The following SLC25A26 variants were observed in gnomAD, a reference collection of about 807,000 sequenced individuals.
SLC25A26 encodes solute carrier family 25 member 26.
Under a neutral mutation model 37.8 loss-of-function variants are expected in SLC25A26, and 36 were observed. The ratio of observed to expected loss-of-function variants is 0.95; its 90% confidence interval spans 0.73 to 1.26. SLC25A26 has a LOEUF of 1.26. SLC25A26 is among the 50% of genes most tolerant of loss of function. The probability of loss-of-function intolerance (pLI) is 0.00; values close to 1 mark genes in which losing one functional copy is unlikely to be tolerated. For synonymous variants in SLC25A26, 129 were observed against 122.5 expected (o/e 1.05, Z -0.35); for missense variants, 390 against 331.1 (o/e 1.18, Z -1.38).
intron 1 of SLC25A26, among the ~76,000 whole-genome samples, chr3:66,202,316 A>C (rs1189463365): frequency 3.3e-5 from 5 of 152,088 alleles, no homozygotes; most frequent in African/African-American, 7.2e-5. Context: ...AACAATGAGA[A>C]GACATGCATA....
At chr3:66,191,974 G>T (rs1262078821) in intron 1 of SLC25A26, among the ~76,000 whole-genome samples, 1 of 151,796 alleles carries the variant, frequency 6.6e-6, no homozygotes, top group African/African-American at 2.4e-5. Flanking sequence ...GGGGCCTCTA[G>T]GTCCTGAAAG....
chr3:66,372,866 C>T (rs1332721775), intron 9 of SLC25A26, among the ~76,000 whole-genome samples: 2 of 152,088 alleles, frequency 1.3e-5, no homozygotes, highest in African/African-American at 4.8e-5. Flanking sequence ...CTCCCCGGGG[C>T]GTGCACTAAG....
intron 1 of SLC25A26, among the ~76,000 whole-genome samples, chr3:66,202,379 G>A (rs968582176): frequency 6.6e-6 from 1 of 151,974 alleles, no homozygotes; most frequent in Non-Finnish European, 1.5e-5. Context: ...CGGGTGCAAG[G>A]GGACGGATAG....
Position 66,225,848 on chromosome 3 carries a change from C to G in SLC25A26, c.33+4721C>G, listed in dbSNP as rs190990281. On this transcript the variant is annotated intron_variant, in intron 1 of 9. Transcript: ENST00000354883. ...AGTCTCTTTGCATAGCAAGAGTGGC[C>G]TTTACTCCAGTTACCAAGAAGTTCC... 7.9e-5 allele frequency among the ~76,000 whole-genome samples: 12 copies of G among 152,242 alleles called. No homozygotes were observed. In the East Asian group the frequency reaches 1.5e-3, roughly 20 times the overall value.
chr3:66,178,050 G>A lies in SLC25A26; in HGVS notation c.-353-42692G>A, dbSNP rs575068427. Among the ~76,000 whole-genome samples, 35 of 152,304 alleles carry A rather than the reference G, an allele frequency of 2.3e-4. No homozygotes were observed. In the East Asian group the frequency reaches 2.3e-3, roughly 10 times the overall value. ...TGGAATTTTCTAACTGAGACAGCTCGTGGGAATTGGAAAACTTACTCTCCC... is the reference window on the plus strand; with the variant it reads ...TGGAATTTTCTAACTGAGACAGCTCATGGGAATTGGAAAACTTACTCTCCC... On this transcript the variant is annotated intron_variant, in intron 1 of 10. Coordinates refer to the SLC25A26 transcript ENST00000676754.
At chr3:66,281,015 A>G (rs1378891630) in intron 5 of SLC25A26, among the ~76,000 whole-genome samples, 1 of 152,186 alleles carries the variant, frequency 6.6e-6, no homozygotes, top group Non-Finnish European at 1.5e-5. Flanking sequence ...TTCTCTACTC[A>G]GGATACAAGT....
chr3:66,295,359 G>A (rs1487363681), intron 5 of SLC25A26, among the ~76,000 whole-genome samples: 4 of 151,562 alleles, frequency 2.6e-5, no homozygotes, highest in African/African-American at 2.4e-5. Flanking sequence ...GAGTAGCTGG[G>A]ATTACAGGCG....
chr3:66,348,034 C>G (rs755493875), intron 6 of SLC25A26, among the ~76,000 whole-genome samples: 1 of 152,136 alleles, frequency 6.6e-6, no homozygotes, highest in Non-Finnish European at 1.5e-5. Flanking sequence ...GGGCTTAATA[C>G]TTAGCTGATG....
rs548354394 is a variant in SLC25A26 at position 66,300,252 on chromosome 3, T to G, written c.453+36873T>G. On this transcript the variant is annotated intron_variant, in intron 5 of 9. Transcript: ENST00000354883. ...GGACTTCTAGGCTAGGGTTTTTTTG[T>G]TTTGTTTTTTTTTTTTTTTTTGGTG... Among the ~76,000 whole-genome samples, 160 of 104,452 alleles carry G rather than the reference T, an allele frequency of 1.5e-3. 1 individual carries two copies. The highest frequency in any genetic ancestry group is 3.3e-3 in the Non-Finnish European group (140 of 42,182). 68.5% of individuals were successfully genotyped at this position (104,452 alleles called of 152,430 possible). A position where few individuals can be genotyped will look rare whatever the true frequency, so the allele number is the denominator to read the frequency against.
At chr3:66,244,797 C>T (rs1175625340) in intron 3 of SLC25A26, among the ~76,000 whole-genome samples, 1 of 151,820 alleles carries the variant, frequency 6.6e-6, no homozygotes, top group East Asian at 1.9e-4. Context: ...ACCGTGAAAC[C>T]CCGTCTCTAC....
intron 1 of SLC25A26, among the ~76,000 whole-genome samples, chr3:66,149,322 G>T (rs909446528): frequency 3.9e-5 from 6 of 152,150 alleles, no homozygotes; most frequent in African/African-American, 1.4e-4. Context: ...TTGCCAGCAT[G>T]GAGGGAAAAA....
At chr3:66,230,863 G>A (rs2071992046) in intron 1 of SLC25A26, among the ~76,000 whole-genome samples, 1 of 140,392 alleles carries the variant, frequency 7.1e-6, no homozygotes, top group Non-Finnish European at 1.6e-5. Context: ...AACCTAAGCA[G>A]AAGCACAGGA....
At chr3:66,377,021 T>A (rs1700695385) in intron 9 of SLC25A26, among the ~76,000 whole-genome samples, 1 of 152,192 alleles carries the variant, frequency 6.6e-6, no homozygotes, top group Non-Finnish European at 1.5e-5. Flanking sequence ...AATGCCACAA[T>A]GAAAATTTTT....
chr3:66,186,577 A>G (rs910497610), intron 1 of SLC25A26, among the ~76,000 whole-genome samples: 1,643 of 152,162 alleles, frequency 0.011, 30 homozygotes, highest in African/African-American at 0.037. Flanking sequence ...CCTAAACCTG[A>G]CCATAAATTT....
chr3:66,151,594 C>A (rs2070209796), intron 1 of SLC25A26, among the ~76,000 whole-genome samples: 1 of 152,210 alleles, frequency 6.6e-6, no homozygotes, highest in South Asian at 2.1e-4. Context: ...CCCATGCTCT[C>A]TGTTCTTGTG....
At chr3:66,317,841 A>G (rs1290522789) in intron 5 of SLC25A26, among the ~76,000 whole-genome samples, 2 of 152,172 alleles carry the variant, frequency 1.3e-5, no homozygotes, top group African/African-American at 4.8e-5. Context: ...GGCACTACCC[A>G]GTGAGGAGGA....
chr3:66,294,515 A>G (rs529842738), intron 5 of SLC25A26, among the ~76,000 whole-genome samples: 8 of 152,270 alleles, frequency 5.3e-5, no homozygotes, highest in East Asian at 1.9e-4. Context: ...TTCTGTGTCT[A>G]TTGAGATAAT....
At chr3:66,296,071 C>T (rs906377219) in intron 5 of SLC25A26, among the ~76,000 whole-genome samples, 2 of 151,968 alleles carry the variant, frequency 1.3e-5, no homozygotes, top group Non-Finnish European at 2.9e-5. Flanking sequence ...GAGCCGTGAT[C>T]GCACCATTGC....
At chr3:66,184,622 C>CTATGTATTACAAGCTCAAT (rs2070790011) in intron 1 of SLC25A26, among the ~76,000 whole-genome samples, 1 of 152,128 alleles carries the variant, frequency 6.6e-6, no homozygotes, top group Non-Finnish European at 1.5e-5. Context: ...ACATGCTCAA[C>CTATGTATTACAAGCTCAAT]CAAATCCTCA....
Sources: gnomAD v4.1 joint callset for allele counts (sites outside exome capture counted in the v4.1 genomes callset) on GRCh38, gnomAD v4.1.1 for gene constraint, MANE v1.5 for transcripts, NCBI Gene and HGNC (gene_info 2026-07-23, HGNC 2026-07-21) for gene names.